TBCA: variants seen among roughly 807,000 people sequenced by gnomAD.
TBCA encodes the protein tubulin folding cofactor A, also known as tubulin-specific chaperone A.
Under a neutral mutation model 15.8 loss-of-function variants are expected in TBCA, and 6 were observed. That is an observed-to-expected ratio of 0.38 (90% CI 0.21 to 0.75). The LOEUF (loss-of-function observed/expected upper bound fraction) is 0.75, where lower values mean the gene tolerates loss of function less well. Ranked by LOEUF, TBCA falls within the 30% of genes least tolerant of loss-of-function variation. TBCA has a pLI of 0.46. For missense variants in TBCA, 90 were observed against 131.2 expected (o/e 0.69, Z 1.53); for synonymous variants, 32 against 42.3 (o/e 0.76, Z 0.94).
At chr5:77,746,928 T>C (rs1046413856) in intron 1 of TBCA, among the ~76,000 whole-genome samples, 1 of 152,106 alleles carries the variant, frequency 6.6e-6, no homozygotes, top group African/African-American at 2.4e-5. Flanking sequence ...TTCTAATAGC[T>C]TTATATTTGA....
At chr5:77,756,866 A>T (rs1336256266) in intron 1 of TBCA, among the ~76,000 whole-genome samples, 1 of 150,346 alleles carries the variant, frequency 6.7e-6, no homozygotes, top group African/African-American at 2.4e-5. Flanking sequence ...AACACCCCAA[A>T]AACAGGTGAA....
chr5:77,702,399 T>C (rs352553), intron 2 of TBCA, among the ~76,000 whole-genome samples: 58,236 of 152,064 alleles, frequency 0.38, 11,210 homozygotes, highest in South Asian at 0.41. Flanking sequence ...AAGGGAATTA[T>C]ATAAAATAGA....
At chr5:77,708,538 C>A in intron 1 of TBCA, 191 bp from the exon 2 acceptor site, 1 of 401,230 alleles carries the variant, frequency 2.5e-6, no homozygotes. Context: ...AAGTCCTATA[C>A]CTGCCTAACG....
intron 1 of TBCA, chr5:77,715,268 C>T (rs1400282145): frequency 2.8e-6 from 2 of 702,216 alleles, no homozygotes; most frequent in South Asian, 3.0e-5. Flanking sequence ...AAGACGAAAA[C>T]CAAGAAAAGA....
At chr5:77,770,836 G>C (rs771426712) in intron 1 of TBCA, among the ~76,000 whole-genome samples, 1 of 152,066 alleles carries the variant, frequency 6.6e-6, no homozygotes, top group Admixed American at 6.6e-5. Flanking sequence ...AAGAAACTTA[G>C]TATAATAACC....
chr5:77,745,872 T>C (rs111875233), intron 1 of TBCA, among the ~76,000 whole-genome samples: 6 of 152,334 alleles, frequency 3.9e-5, no homozygotes, highest in Admixed American at 2.0e-4. Context: ...ACTCTGTTTA[T>C]TGGAAAAGAT....
At chr5:77,711,994 T>C (rs751268069) in intron 1 of TBCA, among the ~76,000 whole-genome samples, 1 of 151,858 alleles carries the variant, frequency 6.6e-6, no homozygotes, top group Non-Finnish European at 1.5e-5. Context: ...ATCAGTCAGT[T>C]AGTGAGAACC....
intron 1 of TBCA, among the ~76,000 whole-genome samples, chr5:77,722,475 G>C (rs1225012564): frequency 6.6e-6 from 1 of 151,880 alleles, no homozygotes; most frequent in Non-Finnish European, 1.5e-5. Flanking sequence ...ATAAAGTTTT[G>C]GAAATACCAA....
chr5:77,696,375 T>C (rs1437372563), intron 2 of TBCA, among the ~76,000 whole-genome samples: 1 of 152,196 alleles, frequency 6.6e-6, no homozygotes, highest in Non-Finnish European at 1.5e-5. Flanking sequence ...ATCTGACTTG[T>C]ATTTTGTGGT....
Position 77,766,508 on chromosome 5 carries a change from A to AT in TBCA, c.53+9696dup, listed in dbSNP as rs1314362590. ...GTCTCTCACTTTTATTTATTTATTT[A>AT]TTTATTTTTTTTTTTTTTTGAGACG... On this transcript the variant is annotated intron_variant, in intron 1 of 3. Transcript: ENST00000380377. 2.0e-3 allele frequency among the ~76,000 whole-genome samples: 72 copies of AT among 36,132 alleles called. 21 individuals are homozygous for AT. Among genetic ancestry groups the AT allele is most frequent in the African/African-American group, 3.5e-3 (51 of 14,600 alleles). 23.7% of individuals were successfully genotyped at this position (36,132 alleles called of 152,430 possible). A position where few individuals can be genotyped will look rare whatever the true frequency, so the allele number is the denominator to read the frequency against.
At chr5:77,770,673 C>G (rs1256976428) in intron 1 of TBCA, among the ~76,000 whole-genome samples, 1 of 151,782 alleles carries the variant, frequency 6.6e-6, no homozygotes, top group East Asian at 1.9e-4. Flanking sequence ...TAGTTGTGAC[C>G]CTGTCACAGA....
intron 1 of TBCA, among the ~76,000 whole-genome samples, chr5:77,732,073 C>A (rs1178389408): frequency 1.3e-5 from 2 of 151,774 alleles, no homozygotes; most frequent in Non-Finnish European, 2.9e-5. Flanking sequence ...ACGGAGTGAA[C>A]CAAAAAATGT....
At chr5:77,758,822 G>C (rs1187072290) in intron 1 of TBCA, among the ~76,000 whole-genome samples, 15 of 152,178 alleles carry the variant, frequency 9.9e-5, no homozygotes, top group Admixed American at 9.8e-4. Context: ...TAATGCACAT[G>C]CCCGGGTTCA....
chr5:77,765,413 A>T (rs565670837), intron 1 of TBCA, among the ~76,000 whole-genome samples: 1 of 152,222 alleles, frequency 6.6e-6, no homozygotes, highest in Non-Finnish European at 1.5e-5. Flanking sequence ...GTACTATCAT[A>T]GTGAAAACTA....
At chr5:77,751,009 G>A (rs988269086) in intron 1 of TBCA, among the ~76,000 whole-genome samples, 3 of 152,084 alleles carry the variant, frequency 2.0e-5, no homozygotes, top group Admixed American at 1.3e-4. Flanking sequence ...GTTTTGTCAT[G>A]CAGATGAAGC....
At chr5:77,701,524 T>C (rs1746013296) in intron 2 of TBCA, among the ~76,000 whole-genome samples, 1 of 151,602 alleles carries the variant, frequency 6.6e-6, no homozygotes, top group South Asian at 2.1e-4. Flanking sequence ...GGACTACCAT[T>C]TGATCCAGCA....
chr5:77,763,589 A>G (rs1167130831), intron 1 of TBCA, among the ~76,000 whole-genome samples: 2 of 152,184 alleles, frequency 1.3e-5, no homozygotes, highest in African/African-American at 4.8e-5. Context: ...TGGAGCCCTC[A>G]TGAATGAGAT....
rs16874542 is a variant in TBCA, at chr5:77,707,568, G to C, written c.159+674C>G. Among the ~76,000 whole-genome samples, 1,405 of 152,172 alleles carry C rather than the reference G, an allele frequency of 9.2e-3. 10 individuals carry two copies. The highest frequency in any genetic ancestry group is 0.031 in the African/African-American group (1,303 of 41,502). Reference sequence around the variant, plus strand: ...TGAGACAGGGATTGGTAAGAAATGAGGTTAGATAAGCAGATGTAACCTCAT... The same window carrying C: ...TGAGACAGGGATTGGTAAGAAATGACGTTAGATAAGCAGATGTAACCTCAT... On this transcript the variant is annotated intron_variant, in intron 2 of 3. Transcript: ENST00000380377.
At chr5:77,748,325 T>A (rs966147784) in intron 1 of TBCA, among the ~76,000 whole-genome samples, 1 of 151,542 alleles carries the variant, frequency 6.6e-6, no homozygotes, top group African/African-American at 2.4e-5. Context: ...CTGAGCAAAC[T>A]AATTACCACC....
Sources: allele counts gnomAD v4.1 joint callset (sites outside exome capture counted in the v4.1 genomes callset), GRCh38; gene constraint gnomAD v4.1.1; transcripts MANE v1.5; gene names NCBI Gene and HGNC (gene_info 2026-07-23, HGNC 2026-07-21).